Variants in C12orf42 observed in about 807,000 individuals in gnomAD.
C12orf42 encodes chromosome 12 open reading frame 42, also known as uncharacterized protein C12orf42.
In C12orf42, 25 loss-of-function variants were observed where a neutral mutation model predicts 21.6. The observed-to-expected ratio is 1.16, with a 90% CI of 0.84 to 1.62. The LOEUF is 1.62. Among genes scored for constraint, C12orf42 ranks in the 40% most tolerant of loss-of-function variants. C12orf42 has a pLI of 0.00. For missense variants in C12orf42, 483 were observed against 459.3 expected, an observed-to-expected ratio of 1.05 and a Z score of -0.47; for synonymous variants, 174 against 175.0, an observed-to-expected ratio of 0.99 and a Z score of 0.05.
the C12orf42 span, among the ~76,000 whole-genome samples, chr12:103,529,466 G>A: frequency 2.6e-5 from 4 of 152,076 alleles, no homozygotes; most frequent in African/African-American, 4.8e-5. Context: ...ACAGTGCGTC[G>A]GCTCTCCTCC....
chr12:103,301,348 C>A (rs2037635090), downstream of C12orf42, among the ~76,000 whole-genome samples: 1 of 152,090 alleles, frequency 6.6e-6, no homozygotes, highest in African/African-American at 2.4e-5. Flanking sequence ...AAAAACCCTA[C>A]TATATTAAAA....
the C12orf42 span, among the ~76,000 whole-genome samples, chr12:103,544,367 A>G: frequency 6.6e-6 from 1 of 152,178 alleles, no homozygotes; most frequent in Non-Finnish European, 1.5e-5. Context: ...GCTATCCAGA[A>G]GTCAGTTCTG....
the C12orf42 span, among the ~76,000 whole-genome samples, chr12:103,149,133 C>A: frequency 6.6e-6 from 1 of 152,086 alleles, no homozygotes; most frequent in Admixed American, 6.6e-5. Flanking sequence ...GGAAGCAAAA[C>A]CATTTTCAAA....
chr12:103,376,880 T>C (rs1055203938), intron 3 of C12orf42, among the ~76,000 whole-genome samples: 11 of 152,076 alleles, frequency 7.2e-5, no homozygotes, highest in Non-Finnish European at 1.5e-5. Flanking sequence ...CTCTGTGTTC[T>C]CATTCTCTCT....
At chr12:103,536,250 T>C in the C12orf42 span, among the ~76,000 whole-genome samples, 3 of 152,252 alleles carry the variant, frequency 2.0e-5, no homozygotes, top group Non-Finnish European at 2.9e-5. Flanking sequence ...GATGGGACCA[T>C]TCTCTGAGAG....
rs375440171 is a variant in C12orf42 at position 103,478,415 on chromosome 12, C to G, written c.12G>C (p.Val4=). 1.9e-6 allele frequency: 3 copies of G among 1,585,692 alleles called. No homozygotes were observed. The highest frequency in any genetic ancestry group is 2.6e-6 in the Non-Finnish European group (3 of 1,163,238). MST[V]ICMKQREEEF... is the part of the protein sequence containing the mutation. The stretch of plus-strand genomic sequence containing the variant: ...CTTCTTCCCTTTGTTTCATACATAT[C>G]ACTGTAGACATTAATTTGACAAGTT... Residue 4 remains valine, a synonymous_variant, in exon 2 of 6, where the codon GTG becomes GTC. Transcript: ENST00000548883.
chr12:103,419,212 G>A (rs1011410138), intron 2 of C12orf42, among the ~76,000 whole-genome samples: 1 of 152,138 alleles, frequency 6.6e-6, no homozygotes, highest in South Asian at 2.1e-4. Flanking sequence ...GATAAAAGGA[G>A]AGGCACCAGG....
At chr12:103,212,161 C>T in the C12orf42 span, among the ~76,000 whole-genome samples, 1 of 151,996 alleles carries the variant, frequency 6.6e-6, no homozygotes, top group East Asian at 1.9e-4. Flanking sequence ...TAAAACATAA[C>T]TTCAATATTC....
At chr12:103,422,295 G>C (rs1471094012) in intron 2 of C12orf42, among the ~76,000 whole-genome samples, 5 of 152,166 alleles carry the variant, frequency 3.3e-5, no homozygotes, top group African/African-American at 1.2e-4. Flanking sequence ...AAATGGAAGA[G>C]AATTGGCCAA....
At chr12:103,486,630 A>T (rs1180006863) in intron 1 of C12orf42, among the ~76,000 whole-genome samples, 2 of 152,082 alleles carry the variant, frequency 1.3e-5, no homozygotes, top group Admixed American at 6.5e-5. Context: ...TATTGTCTCC[A>T]TTTCAGAGCC....
chr12:103,423,907 G>C (rs1209202817), intron 2 of C12orf42, among the ~76,000 whole-genome samples: 2 of 152,142 alleles, frequency 1.3e-5, no homozygotes, highest in African/African-American at 4.8e-5. Flanking sequence ...TTATAAATAA[G>C]CCATAAGTTT....
the C12orf42 span, among the ~76,000 whole-genome samples, chr12:103,507,303 C>T: frequency 1.0e-5 from 1 of 95,382 alleles, no homozygotes; most frequent in Non-Finnish European, 1.9e-5. Context: ...CTGCGTTATG[C>T]ATTTCTCTAC....
chr12:103,484,624 T>C (rs1231142604), intron 1 of C12orf42, among the ~76,000 whole-genome samples: 2 of 152,162 alleles, frequency 1.3e-5, no homozygotes, highest in Non-Finnish European at 2.9e-5. Flanking sequence ...TTCACTCTGA[T>C]GGTAGTTTAT....
At chr12:103,168,349 C>A in the C12orf42 span, 1 of 271,940 alleles carries the variant, frequency 3.7e-6, no homozygotes. Context: ...TATTTAAGAG[C>A]CTGATGATAT....
At chr12:103,085,531 G>A in the C12orf42 span, among the ~76,000 whole-genome samples, 2 of 151,238 alleles carry the variant, frequency 1.3e-5, no homozygotes, top group African/African-American at 2.4e-5. Flanking sequence ...AAAATTATTC[G>A]AATGAAAAGA....
the C12orf42 span, among the ~76,000 whole-genome samples, chr12:103,190,984 A>G: frequency 6.6e-6 from 1 of 152,170 alleles, no homozygotes; most frequent in African/African-American, 2.4e-5. Context: ...AATGTCAAAG[A>G]CAAAGGTAAT....
intron 4 of C12orf42, among the ~76,000 whole-genome samples, chr12:103,348,176 A>G (rs2042797840): frequency 6.6e-6 from 1 of 152,184 alleles, no homozygotes; most frequent in Admixed American, 6.6e-5. Flanking sequence ...ACCATGCTGG[A>G]ATGTATAAGA....
In C12orf42 at chr12:103,401,600, G is replaced by A; in HGVS notation, c.147+7C>T. ...GCAGCCCTGCACATAACATTCCGCT[G>A]ACTCACCTTTGCACTGGGTGTGCTT... On this transcript the variant is annotated splice_region_variant and intron_variant, in intron 3 of 5. Transcript: ENST00000548883. 6.2e-7 allele frequency: 1 copy of A among 1,613,370 alleles called. No individual in the cohort carries two copies. Among genetic ancestry groups the A allele is most frequent in the Non-Finnish European group, 8.5e-7 (1 of 1,179,368 alleles).
chr12:103,526,915 C>T, the C12orf42 span, among the ~76,000 whole-genome samples: 8 of 152,148 alleles, frequency 5.3e-5, no homozygotes, highest in African/African-American at 1.9e-4. Flanking sequence ...CTCAAGATCA[C>T]GCAGCTACCA....
Sources: allele counts gnomAD v4.1 joint callset (sites outside exome capture counted in the v4.1 genomes callset), GRCh38; gene constraint gnomAD v4.1.1; transcripts MANE v1.5; gene names NCBI Gene and HGNC (gene_info 2026-07-23, HGNC 2026-07-21).